Variants in TRAPPC8 observed in about 807,000 individuals in gnomAD.
TRAPPC8 encodes trafficking protein particle complex subunit 8.
Under a neutral mutation model 174.3 loss-of-function variants are expected in TRAPPC8, and 54 were observed. The observed-to-expected ratio is 0.31, with a 90% CI of 0.25 to 0.39. The LOEUF (loss-of-function observed/expected upper bound fraction) is 0.39. Among genes scored for constraint, TRAPPC8 ranks in the 10% least tolerant of loss-of-function variants. The pLI is 1.00. For synonymous variants in TRAPPC8, 630 were observed against 579.9 expected (o/e 1.09, Z -1.24); for missense variants, 1,531 against 1,699.1 (o/e 0.90, Z 1.74).
At chr18:31,932,860 T>C (rs1300121606) in intron 1 of TRAPPC8, among the ~76,000 whole-genome samples, 4 of 151,892 alleles carry the variant, frequency 2.6e-5, no homozygotes, top group Admixed American at 1.3e-4. Flanking sequence ...CGGGCGCCTG[T>C]AATCCCAGCT....
At chr18:31,846,689 A>G in intron 26 of TRAPPC8, 27 bp downstream of exon 26, 1 of 1,526,636 alleles carries the variant, frequency 6.6e-7, no homozygotes, top group Non-Finnish European at 8.9e-7. Flanking sequence ...GTTCACCAGA[A>G]AGCTCCAAAG....
chr18:31,935,463 G>C (rs2038048089), intron 1 of TRAPPC8, among the ~76,000 whole-genome samples: 1 of 145,566 alleles, frequency 6.9e-6, no homozygotes, highest in Non-Finnish European at 1.5e-5. Flanking sequence ...AGGCAGAACT[G>C]CTTGAACCTG....
intron 2 of TRAPPC8, among the ~76,000 whole-genome samples, chr18:31,918,177 A>T (rs2145552087): frequency 6.6e-6 from 1 of 152,232 alleles, no homozygotes; most frequent in Admixed American, 6.5e-5. Flanking sequence ...ACACCTTTTA[A>T]GCCATTCACA....
chr18:31,830,926 T>A lies in TRAPPC8; in HGVS notation c.4137A>T (p.Gln1379His). ...GACTGTGAATCTCCTGGCTTTTAAG[T>A]TGAAGTTTATACTGTGTTTGTCCAA... ...TWLGQTQYKL[Q>H]LKSQEIHSLQ... is the part of the protein sequence containing the mutation. Residue 1379 changes from glutamine (Q) to histidine (H), a missense_variant, in exon 29 of 29, where the codon CAA becomes CAT. Transcript: ENST00000283351. The A allele has an allele frequency of 3.1e-6, 5 of 1,614,206 alleles. No individual in the cohort carries two copies. The highest frequency in any genetic ancestry group is 4.2e-6 in the Non-Finnish European group (5 of 1,180,032).
At chr18:31,905,029 C>CAA (rs59488247) in intron 9 of TRAPPC8, among the ~76,000 whole-genome samples, 20 of 112,462 alleles carry the variant, frequency 1.8e-4, no homozygotes, top group Non-Finnish European at 2.2e-4. Context: ...GATTCCATCT[C>CAA]AAAAAAAAAA....
At chr18:31,919,930 A>T (rs894894663) in intron 2 of TRAPPC8, among the ~76,000 whole-genome samples, 19 of 152,098 alleles carry the variant, frequency 1.2e-4, no homozygotes, top group Admixed American at 3.9e-4. Context: ...TCTACATTTT[A>T]AAAAAAGGCA....
At chr18:31,874,422 T>C (rs1202032794) in intron 13 of TRAPPC8, 58 bp downstream of exon 13, 3 of 1,471,942 alleles carry the variant, frequency 2.0e-6, no homozygotes, top group African/African-American at 2.8e-5. Flanking sequence ...AATAAATAAA[T>C]ACTTTCACAC....
chr18:31,876,860 G>A lies in TRAPPC8; in HGVS notation c.1729-2156C>T, dbSNP rs573182483. On this transcript the variant is annotated intron_variant, in intron 12 of 28. Coordinates refer to ENST00000283351, the MANE Select transcript of TRAPPC8 (RefSeq NM_014939.5). The stretch of plus-strand genomic sequence containing the variant: ...CGTCCCAGGGACAAGGATGTGGGTG[G>A]CCAGCTCACACAGGCATGCCCGCCC... Among the ~76,000 whole-genome samples the A allele has an allele frequency of 5.3e-5, 8 of 152,264 alleles. No homozygotes were observed. In the South Asian group the frequency reaches 1.7e-3, roughly 32 times the overall value.
rs2036716500 is a variant in TRAPPC8 at position 31,907,546 on chromosome 18, G to A, written c.1303C>T (p.His435Tyr). 1.7e-5 allele frequency: 28 copies of A among 1,611,402 alleles called. No individual in the cohort carries two copies. The highest frequency in any genetic ancestry group is 2.4e-5 in the Non-Finnish European group (28 of 1,178,500). Reference sequence around the variant, plus strand: ...TAGCAACTGTAAGCCAAATCATAATGCTGCACCAAAAAACATAAGTCAGCC... The same window carrying A: ...TAGCAACTGTAAGCCAAATCATAATACTGCACCAAAAAACATAAGTCAGCC... Reference protein sequence around the residue: ...KMADLCFLVQHYDLAYSCYHT... With the variant: ...KMADLCFLVQYYDLAYSCYHT... The change falls in exon 9 of 29, where the codon CAT (histidine) becomes TAT (tyrosine). Residue 435 changes from histidine to tyrosine, a missense_variant. His to Tyr is a moderately conservative substitution (Grantham distance 83). Transcript: ENST00000283351.
intron 1 of TRAPPC8, among the ~76,000 whole-genome samples, chr18:31,936,303 A>AT (rs1229924426): frequency 6.0e-5 from 9 of 149,810 alleles, no homozygotes; most frequent in Non-Finnish European, 1.0e-4. Context: ...TACAAAAAAA[A>AT]TTTTTTTTTT....
In TRAPPC8 at chr18:31,846,727, G is replaced by C; in HGVS notation, c.3826C>G (p.Pro1276Ala). ...RTIGKEAFSY[P>A]QKQEPPEMEL... is the part of the protein sequence containing the mutation. ...AACTATGTTATCACCTGTTTCTGAG[G>C]ATATGAAAAGGCTTCTTTTCCTATA... The change falls in exon 26 of 29, where the codon CCT becomes GCT. Residue 1276 changes from proline to alanine, a missense_variant. By Grantham distance (27) the Pro-to-Ala change is conservative (BLOSUM62 -1). Coordinates refer to ENST00000283351, the MANE Select transcript of TRAPPC8 (RefSeq NM_014939.5). The C allele has an allele frequency of 6.2e-7, 1 of 1,609,210 alleles. No individual in the cohort carries two copies. Among genetic ancestry groups the C allele is most frequent in the East Asian group, 2.2e-5 (1 of 44,840 alleles).
rs1225007063 is a variant in TRAPPC8 at position 31,907,523 on chromosome 18, G to T, written c.1326C>A (p.Cys442Ter). 1.2e-6 allele frequency: 2 copies of T among 1,609,634 alleles called. No individual in the cohort carries two copies. The highest frequency in any genetic ancestry group is 1.7e-6 in the Non-Finnish European group (2 of 1,177,432). Residue 442 changes from cysteine to a stop codon, truncating the protein, a stop_gained, in exon 9 of 29, where the codon TGC becomes TGA. Coordinates refer to ENST00000283351, the MANE Select transcript of TRAPPC8 (RefSeq NM_014939.5). LOFTEE classifies it high-confidence loss of function. ...LVQHYDLAYS[C>*]YHTAKKDFLN... The stretch of plus-strand genomic sequence containing the variant: ...GAAAATCTTTCTTTGCAGTATGATA[G>T]CAACTGTAAGCCAAATCATAATGCT...
intron 12 of TRAPPC8, among the ~76,000 whole-genome samples, chr18:31,879,845 A>G (rs1267533082): frequency 6.6e-6 from 1 of 151,768 alleles, no homozygotes; most frequent in Non-Finnish European, 1.5e-5. Context: ...ACCTCTATGC[A>G]CACAAACTAG....
intron 27 of TRAPPC8, among the ~76,000 whole-genome samples, chr18:31,835,096 C>CT (rs902895476): frequency 4.6e-5 from 7 of 152,196 alleles, no homozygotes; most frequent in Non-Finnish European, 7.4e-5. Flanking sequence ...GGTTTGTATT[C>CT]TTTTTTCTGT....
At chr18:31,907,668 T>C (rs1478983478) in intron 8 of TRAPPC8, 58 bp from the exon 9 acceptor site, 2 of 1,367,174 alleles carry the variant, frequency 1.5e-6, no homozygotes, top group Non-Finnish European at 2.0e-6. Context: ...ATTAAAATTA[T>C]AAAATACATT....
At chr18:31,931,652 C>A in intron 1 of TRAPPC8, 129 bp from the exon 2 acceptor site, 1 of 625,554 alleles carries the variant, frequency 1.6e-6, no homozygotes, top group Non-Finnish European at 2.6e-6. Flanking sequence ...GTGGAACGTT[C>A]TTCCAGAAAT....
chr18:31,922,506 G>A (rs1246386223), intron 2 of TRAPPC8, among the ~76,000 whole-genome samples: 1 of 152,074 alleles, frequency 6.6e-6, no homozygotes, highest in Non-Finnish European at 1.5e-5. Flanking sequence ...TGGGAAGATC[G>A]CTTGAACCCA....
At position 31,908,760 on chromosome 18, in the gene TRAPPC8, G is replaced by A. The variant is rs547136800; in HGVS notation, c.1116C>T (p.Asn372=). 2.3e-5 allele frequency: 37 copies of A among 1,587,156 alleles called. No individual in the cohort carries two copies. In the African/African-American group the frequency reaches 2.8e-4, roughly 12 times the overall value. ...PHIEKTIRQL[N]DQLISRKGLS... ...CCAAAAAATCAAACCTTACCTGATCGTTTAATTGCCTAATTGTTTTCTCTA... is the reference window on the plus strand; with the variant it reads ...CCAAAAAATCAAACCTTACCTGATCATTTAATTGCCTAATTGTTTTCTCTA... Residue 372 remains asparagine (N), a synonymous_variant, in exon 7 of 29, where the codon AAC becomes AAT. Transcript: ENST00000283351.
intron 12 of TRAPPC8, among the ~76,000 whole-genome samples, chr18:31,884,419 T>C (rs532262439): frequency 4.3e-4 from 66 of 152,338 alleles, no homozygotes; most frequent in Non-Finnish European, 8.8e-4. Context: ...TGTGTGTATA[T>C]ATTTATGATG....
Sources: allele counts gnomAD v4.1 joint callset (sites outside exome capture counted in the v4.1 genomes callset), GRCh38; gene constraint gnomAD v4.1.1; transcripts MANE v1.5; gene names NCBI Gene and HGNC (gene_info 2026-07-23, HGNC 2026-07-21).